GMEB2: variants seen among roughly 807,000 people sequenced by gnomAD.
The protein encoded by GMEB2 is glucocorticoid modulatory element-binding protein 2.
GMEB2 carries 7 observed loss-of-function variants against 45.7 expected under a neutral mutation model. The ratio of observed to expected loss-of-function variants is 0.15; its 90% confidence interval spans 0.09 to 0.29. GMEB2 has a LOEUF of 0.29. Among genes scored for constraint, GMEB2 ranks in the 10% least tolerant of loss-of-function variants. The pLI, the probability that GMEB2 is intolerant of heterozygous loss-of-function variation, is 1.00. For synonymous variants in GMEB2, 322 were observed against 323.6 expected (o/e 1.00, Z 0.05); for missense variants, 582 against 739.2 (o/e 0.79, Z 2.47).
At position 63,621,343 on chromosome 20, in the gene GMEB2, T is replaced by G. The variant is rs371134844; in HGVS notation, c.-57-1889A>C. Among the ~76,000 whole-genome samples, 3 of 152,294 alleles carry G rather than the reference T, an allele frequency of 2.0e-5. No individual in the cohort carries two copies. The East Asian group carries it at 5.8e-4, about 29-fold the overall frequency. On this transcript the variant is annotated intron_variant, in intron 1 of 9. Transcript: ENST00000370077. The stretch of plus-strand genomic sequence containing the variant: ...ACGGCGGTGATGGCTGCACAATCAC[T>G]GTGGCTGTTCTGAATGGTGCTGAAC...
intron 2 of GMEB2, among the ~76,000 whole-genome samples, chr20:63,612,337 G>A (rs980973695): frequency 2.0e-5 from 3 of 152,104 alleles, no homozygotes; most frequent in African/African-American, 7.2e-5. Flanking sequence ...CCTGGAGCCC[G>A]TCCTGTCTTG....
chr20:63,612,786 A>AC, intron 2 of GMEB2, among the ~76,000 whole-genome samples: 1 of 151,828 alleles, frequency 6.6e-6, no homozygotes, highest in Middle Eastern at 3.4e-3. Flanking sequence ...CCCTCCAGAG[A>AC]CCCCTGTGGC....
At chr20:63,606,604 A>C (rs1421812246) in intron 2 of GMEB2, among the ~76,000 whole-genome samples, 7 of 152,160 alleles carry the variant, frequency 4.6e-5, no homozygotes, top group African/African-American at 1.7e-4. Context: ...ACCTCGGCCT[A>C]CCAAAGTGCT....
At position 63,592,701 on chromosome 20, in the gene GMEB2, G is replaced by A. The variant is rs1291563778; in HGVS notation, c.692-31C>T. On this transcript the variant is annotated intron_variant, in intron 7 of 9. Transcript: ENST00000370077. The surrounding 1 kb of genome is among the most constrained non-coding windows in gnomAD (Gnocchi z 8.2). ...AGGGAAGGAGTGGGTTCAGTGGGCAGGGAAAGTGCTGCTACACGGGGCAGC... is the reference window on the plus strand; with the variant it reads ...AGGGAAGGAGTGGGTTCAGTGGGCAAGGAAAGTGCTGCTACACGGGGCAGC... The A allele has an allele frequency of 1.2e-6, 2 of 1,602,140 alleles. No individual in the cohort carries two copies. The highest frequency in any genetic ancestry group is 1.7e-5 in the Admixed American group (1 of 59,932).
At chr20:63,608,935 C>T (rs1438735875) in intron 2 of GMEB2, among the ~76,000 whole-genome samples, 1 of 30,610 alleles carries the variant, frequency 3.3e-5, no homozygotes, top group African/African-American at 6.7e-5. Context: ...CCCCTGTGAC[C>T]CCACCTCCAT....
intron 2 of GMEB2, among the ~76,000 whole-genome samples, chr20:63,616,179 C>G (rs1047682303): frequency 1.3e-5 from 2 of 152,142 alleles, no homozygotes; most frequent in Admixed American, 1.3e-4. Flanking sequence ...TACAGTGGCT[C>G]GCGCCTGTAA....
chr20:63,602,929 C>CCT, intron 4 of GMEB2, 36 bp downstream of exon 4: 1 of 1,574,336 alleles, frequency 6.4e-7, no homozygotes, highest in Middle Eastern at 1.7e-4. Context: ...CACCATGAGG[C>CCT]CTCTCTCCTG....
Position 63,589,251 on chromosome 20 carries a change from A to C in GMEB2, c.*838T>G, listed in dbSNP as rs970514295. 1.8e-5 allele frequency: 7 copies of C among 398,698 alleles called. No homozygotes were observed. Among genetic ancestry groups the C allele is most frequent in the Admixed American group, 4.4e-5 (1 of 22,714 alleles). 24.7% of individuals were successfully genotyped at this position (398,698 alleles called of 1,614,324 possible). On this transcript the variant is annotated 3_prime_UTR_variant, in exon 10 of 10. Coordinates refer to ENST00000370077, the MANE Select transcript of GMEB2 (RefSeq NM_012384.5). ...GGGACAGGCTGCCCAGGACCTCCGC[A>C]CCCGGTCAAGTGCACTCACAGGGGC...
At chr20:63,603,710 C>T (rs2089495795) in intron 3 of GMEB2, among the ~76,000 whole-genome samples, 1 of 151,634 alleles carries the variant, frequency 6.6e-6, no homozygotes, top group South Asian at 2.1e-4. Flanking sequence ...CCACCGCACT[C>T]CAGCCTGGGT....
chr20:63,610,708 C>G (rs750717457), intron 2 of GMEB2, among the ~76,000 whole-genome samples: 1 of 152,226 alleles, frequency 6.6e-6, no homozygotes, highest in Admixed American at 6.5e-5. Context: ...CTCCACTGCT[C>G]CATAAGCCAC....
chr20:63,602,917 G>A (rs1390795186), intron 4 of GMEB2, 48 bp downstream of exon 4: 1 of 1,575,536 alleles, frequency 6.3e-7, no homozygotes, highest in African/African-American at 1.3e-5. Context: ...AGCAGTCACA[G>A]ACACCATGAG....
chr20:63,614,952 G>C (rs1450391749), intron 2 of GMEB2, among the ~76,000 whole-genome samples: 1 of 152,040 alleles, frequency 6.6e-6, no homozygotes, highest in Non-Finnish European at 1.5e-5. Flanking sequence ...GCCGCTACCA[G>C]TCTCCGCGTC....
chr20:63,615,046 G>A (rs985725162), intron 2 of GMEB2, among the ~76,000 whole-genome samples: 11 of 151,896 alleles, frequency 7.2e-5, no homozygotes, highest in South Asian at 2.1e-4. Flanking sequence ...TCTCATCTCC[G>A]CATACGAGGA....
chr20:63,592,809 C>G lies in GMEB2; in HGVS notation c.692-139G>C. ...CGCCTGGCACTGTGCTGGGCTTGCACTGCCCAGACACATCCACAGTGCCAA... is the reference window on the plus strand; with the variant it reads ...CGCCTGGCACTGTGCTGGGCTTGCAGTGCCCAGACACATCCACAGTGCCAA... On this transcript the variant is annotated intron_variant, in intron 7 of 9. Transcript: ENST00000370077. This position sits in a 1 kb window ranked among gnomAD's most constrained non-coding sequence, Gnocchi z 8.2. 1.2e-6 allele frequency: 1 copy of G among 819,958 alleles called. No individual in the cohort carries two copies. The highest frequency in any genetic ancestry group is 2.5e-5 in the East Asian group (1 of 40,464). The allele number at this position is 819,958 out of a possible 1,614,324, so 50.8% of individuals were successfully genotyped here.
chr20:63,626,564 G>A (rs1279352504), intron 1 of GMEB2, among the ~76,000 whole-genome samples: 2 of 147,202 alleles, frequency 1.4e-5, no homozygotes, highest in East Asian at 2.1e-4. Flanking sequence ...GGTGGCCCCT[G>A]CGGGTCGGGT....
Position 63,607,004 on chromosome 20 carries a change from C to T in GMEB2, c.132-2164G>A, listed in dbSNP as rs76733600. ...GGTGAGAGCTATGAGGAGGGCACTCCGCCTGCAGCCTAGAAACATGCCCCT... is the reference window on the plus strand; with the variant it reads ...GGTGAGAGCTATGAGGAGGGCACTCTGCCTGCAGCCTAGAAACATGCCCCT... On this transcript the variant is annotated intron_variant, in intron 2 of 9. Coordinates refer to ENST00000370077, the MANE Select transcript of GMEB2 (RefSeq NM_012384.5). Among the ~76,000 whole-genome samples the T allele has an allele frequency of 9.8e-3, 1,494 of 152,262 alleles. 27 individuals carry two copies. The highest frequency in any genetic ancestry group is 0.034 in the African/African-American group (1,427 of 41,540).
intron 4 of GMEB2, among the ~76,000 whole-genome samples, chr20:63,598,423 T>C (rs1222484672): frequency 6.6e-6 from 1 of 151,884 alleles, no homozygotes; most frequent in African/African-American, 2.4e-5. Flanking sequence ...ATTTCACCCA[T>C]GTGGGAGCTC....
intron 2 of GMEB2, among the ~76,000 whole-genome samples, chr20:63,612,795 G>A (rs960519247): frequency 6.6e-6 from 1 of 152,150 alleles, no homozygotes; most frequent in African/African-American, 2.4e-5. Flanking sequence ...GACCCCTGTG[G>A]CCAAGGCCAC....
At chr20:63,613,962 G>T (rs2089589008) in intron 2 of GMEB2, among the ~76,000 whole-genome samples, 1 of 152,120 alleles carries the variant, frequency 6.6e-6, no homozygotes, top group African/African-American at 2.4e-5. Flanking sequence ...ACAGGAGGGG[G>T]AGGGAAGAGT....
Sources: allele counts gnomAD v4.1 joint callset (sites outside exome capture counted in the v4.1 genomes callset), GRCh38; gene constraint gnomAD v4.1.1; non-coding constraint Gnocchi (gnomAD v3.1); transcripts MANE v1.5; gene names NCBI Gene and HGNC (gene_info 2026-07-23, HGNC 2026-07-21).